Variants in SLC6A13 observed in about 807,000 individuals in gnomAD.
SLC6A13 encodes the protein solute carrier family 6 member 13.
SLC6A13 carries 69 observed loss-of-function variants against 72.9 expected under a neutral mutation model. That is an observed-to-expected ratio of 0.95 (90% CI 0.78 to 1.16). The LOEUF (loss-of-function observed/expected upper bound fraction) is 1.16. Ranked by LOEUF, SLC6A13 falls within the 50% of genes most tolerant of loss-of-function variation. The probability of loss-of-function intolerance (pLI) is 0.00; values close to 1 mark genes in which losing one functional copy is unlikely to be tolerated. For missense variants in SLC6A13, 735 were observed against 760.5 expected, an observed-to-expected ratio of 0.97 and a Z score of 0.39; for synonymous variants, 303 against 303.0, an observed-to-expected ratio of 1.00 and a Z score of 0.00.
intron 2 of SLC6A13, chr12:256,763 T>C (rs1320757112): frequency 6.6e-6 from 1 of 152,154 alleles, no homozygotes; most frequent in African/African-American, 2.4e-5. Context: ...AATTCCTTGA[T>C]TGCCCTCCCC....
chr12:226,505 G>T lies in SLC6A13; in HGVS notation c.945C>A (p.Ile315=), dbSNP rs76138594. Residue 315 remains isoleucine, a synonymous_variant, in exon 9 of 15, where the codon ATC becomes ATA. Coordinates refer to ENST00000343164, the MANE Select transcript of SLC6A13 (RefSeq NM_016615.5). Reference sequence around the variant, plus strand: ...TGCCGCTGTTGAGGAAGCAGAGGGCGATGCAGTCCCTGTGGGGCAGGGGTG... The same window carrying T: ...TGCCGCTGTTGAGGAAGCAGAGGGCTATGCAGTCCCTGTGGGGCAGGGGTG... ...KYHNNCYRDC[I]ALCFLNSGTS... 10 of 1,613,832 alleles carry T rather than the reference G, an allele frequency of 6.2e-6. No individual in the cohort carries two copies. In the East Asian group the frequency reaches 2.2e-4, roughly 36 times the overall value.
intron 2 of SLC6A13, among the ~76,000 whole-genome samples, chr12:251,080 C>T (rs533290739): frequency 2.9e-4 from 43 of 150,766 alleles, no homozygotes; most frequent in African/African-American, 9.3e-4. Flanking sequence ...TGCGTGAACC[C>T]GGGAGGCGGA....
chr12:225,375 C>T (rs755910463), intron 9 of SLC6A13, among the ~76,000 whole-genome samples: 12 of 152,352 alleles, frequency 7.9e-5, no homozygotes, highest in Non-Finnish European at 1.5e-4. Flanking sequence ...ACGGGCCAGC[C>T]ATGGCGGCTT....
chr12:227,683 G>T lies in SLC6A13; in HGVS notation c.832-15C>A, dbSNP rs754931357. The T allele has an allele frequency of 1.3e-6, 2 of 1,580,864 alleles. No homozygotes were observed. Among genetic ancestry groups the T allele is most frequent in the Non-Finnish European group, 1.7e-6 (2 of 1,160,322 alleles). ...TCCATCCACACCTACAAAGGGGAAG[G>T]GCAAGAAAGGTGAACTCCCAGGAAA... On this transcript the variant is annotated splice_polypyrimidine_tract_variant and intron_variant, in intron 7 of 14. Coordinates refer to ENST00000343164, the MANE Select transcript of SLC6A13 (RefSeq NM_016615.5).
chr12:232,498 G>C (rs1330209686), intron 7 of SLC6A13, among the ~76,000 whole-genome samples: 1 of 152,214 alleles, frequency 6.6e-6, no homozygotes, highest in Non-Finnish European at 1.5e-5. Context: ...ACAAAACAAA[G>C]ATACCCTTTG....
At chr12:258,878 T>C (rs1447850983) in intron 2 of SLC6A13, 1 of 974,994 alleles carries the variant, frequency 1.0e-6, no homozygotes, top group Non-Finnish European at 1.2e-6. Context: ...AGAGAGCCTA[T>C]ACTAGAAGGG....
chr12:232,985 C>CTT (rs146923788), intron 7 of SLC6A13, among the ~76,000 whole-genome samples: 4,385 of 152,312 alleles, frequency 0.029, 157 homozygotes, highest in African/African-American at 0.087. Flanking sequence ...TGCCTGTCGC[C>CTT]TCTCTTGCTC....
chr12:226,814 T>G (rs1411704505), intron 8 of SLC6A13: 1 of 278,064 alleles, frequency 3.6e-6, no homozygotes, highest in African/African-American at 2.2e-5. Flanking sequence ...CAGCCGCCCC[T>G]CTCTACCACG....
intron 2 of SLC6A13, among the ~76,000 whole-genome samples, chr12:250,280 T>C (rs1040743084): frequency 6.6e-6 from 1 of 152,164 alleles, no homozygotes; most frequent in Non-Finnish European, 1.5e-5. Flanking sequence ...ATTCTAGCCA[T>C]AGAATCTAGC....
chr12:225,172 C>T (rs1941392203), intron 9 of SLC6A13, among the ~76,000 whole-genome samples: 1 of 152,224 alleles, frequency 6.6e-6, no homozygotes, highest in Non-Finnish European at 1.5e-5. Context: ...AGCCTGAGTC[C>T]ACCCATGGGA....
chr12:247,027 GAAAGAAAAGA>G (rs1942380328), intron 2 of SLC6A13, among the ~76,000 whole-genome samples: 1 of 17,502 alleles, frequency 5.7e-5, no homozygotes, highest in Non-Finnish European at 2.2e-4. Flanking sequence ...AAAAAAGAAA[GAAAGAAAAGA>G]AAGAAAGAAA....
chr12:242,578 G>T, intron 4 of SLC6A13, 36 bp downstream of exon 4: 1 of 1,596,826 alleles, frequency 6.3e-7, no homozygotes, highest in South Asian at 1.1e-5. Context: ...GTGGCAGAAC[G>T]AGAGGAGGAA....
At chr12:229,252 G>T (rs571273199) in intron 7 of SLC6A13, among the ~76,000 whole-genome samples, 22 of 152,310 alleles carry the variant, frequency 1.4e-4, no homozygotes, top group Non-Finnish European at 2.5e-4. Context: ...AGGCAAGGGG[G>T]TGTTTGCAAA....
chr12:224,814 G>C (rs1941373453), intron 9 of SLC6A13, among the ~76,000 whole-genome samples: 1 of 152,234 alleles, frequency 6.6e-6, no homozygotes, highest in Non-Finnish European at 1.5e-5. Flanking sequence ...GCACAGACCT[G>C]AGGTTTCAAG....
chr12:228,972 A>T (rs759474759), intron 7 of SLC6A13, among the ~76,000 whole-genome samples: 1 of 152,030 alleles, frequency 6.6e-6, no homozygotes, highest in Admixed American at 6.5e-5. Flanking sequence ...TCCTCTCATC[A>T]TGTCTCCATT....
intron 2 of SLC6A13, among the ~76,000 whole-genome samples, chr12:244,704 G>T (rs917096710): frequency 5.9e-5 from 9 of 151,786 alleles, no homozygotes; most frequent in Non-Finnish European, 1.3e-4. Context: ...AAAAAAAAAA[G>T]TGTATTTGGC....
intron 2 of SLC6A13, among the ~76,000 whole-genome samples, chr12:246,868 T>C (rs2137303583): frequency 6.6e-6 from 1 of 150,924 alleles, no homozygotes; most frequent in East Asian, 1.9e-4. Context: ...ATTAGCTGGG[T>C]GTGGTGGTGC....
chr12:226,553 T>C, intron 8 of SLC6A13, 39 bp from the exon 9 acceptor site: 1 of 1,601,726 alleles, frequency 6.2e-7, no homozygotes, highest in South Asian at 1.1e-5. Context: ...AATGGCAGGG[T>C]CAGAACAGGG....
Position 235,220 on chromosome 12 carries a change from A to G in SLC6A13, c.701T>C (p.Val234Ala). The G allele has an allele frequency of 6.2e-7, 1 of 1,614,182 alleles. No individual in the cohort carries two copies. The highest frequency in any genetic ancestry group is 1.1e-5 in the South Asian group (1 of 91,080). ...WKGVKSTGKV[V>A]YFTATFPYLM... ...GTAAGGAAATGTGGCCGTGAAGTAC[A>G]CCACCTGGTCATGGGCAAATGAGAG... is the stretch of plus-strand genomic sequence containing the variant. Residue 234 changes from valine (V) to alanine (A), a missense_variant, in exon 7 of 15, where the codon GTG becomes GCG. Transcript: ENST00000343164.
Sources: gnomAD v4.1 joint callset for allele counts (sites outside exome capture counted in the v4.1 genomes callset) on GRCh38, gnomAD v4.1.1 for gene constraint, MANE v1.5 for transcripts, NCBI Gene and HGNC (gene_info 2026-07-23, HGNC 2026-07-21) for gene names.